The following GMPS variants were observed in gnomAD, a reference collection of about 807,000 sequenced individuals.
The protein encoded by GMPS is GMP synthase [glutamine-hydrolyzing].
A neutral mutation model predicts 77.9 loss-of-function variants in GMPS; 15 were observed. The ratio of observed to expected loss-of-function variants is 0.19; its 90% confidence interval spans 0.13 to 0.30. The LOEUF (loss-of-function observed/expected upper bound fraction) is 0.30, where lower values mean the gene tolerates loss of function less well. GMPS is among the 10% of genes least tolerant of loss of function. The pLI, the probability that GMPS is intolerant of heterozygous loss-of-function variation, is 1.00. For synonymous variants in GMPS, 224 were observed against 275.9 expected (o/e 0.81, Z 1.86); for missense variants, 590 against 838.8 (o/e 0.70, Z 3.66).
rs190511170 is a variant in GMPS at position 155,912,880 on chromosome 3, G to T, written c.887-1539G>T. ...TTCTTTTTGGGACATTGGTCTCTGG[G>T]TTAGCCTAAAACAGGGATTAGTTAA... On this transcript the variant is annotated intron_variant, in intron 7 of 15. Coordinates refer to ENST00000496455, the MANE Select transcript of GMPS (RefSeq NM_003875.3). Among the ~76,000 whole-genome samples the T allele has an allele frequency of 4.3e-3, 660 of 152,274 alleles. 1 individual carries two copies. The highest frequency in any genetic ancestry group is 0.01 in the Middle Eastern group (3 of 294).
chr3:155,910,887 T>C lies in GMPS; in HGVS notation c.720+2T>C. 1 of 1,557,036 alleles carries C rather than the reference T, an allele frequency of 6.4e-7. No homozygotes were observed. The highest frequency in any genetic ancestry group is 8.7e-7 in the Non-Finnish European group (1 of 1,150,114). ...AGAGTAGGCACGTCAAAAGTTTTGG[T>C]AAGCAAATTATTATCTGGAAGTCTA... On this transcript the variant is annotated splice_donor_variant, in intron 6 of 15. Transcript: ENST00000496455. LOFTEE classifies it high-confidence loss of function.
chr3:155,941,026 G>T lies in GMPS; in HGVS notation c.*3334G>T, dbSNP rs1755874932. The T allele has an allele frequency of 5.1e-6, 1 of 196,998 alleles. No individual in the cohort carries two copies. Among genetic ancestry groups the T allele is most frequent in the Non-Finnish European group, 1.1e-5 (1 of 94,964 alleles). 12.2% of individuals were successfully genotyped at this position (196,998 alleles called of 1,614,324 possible). ...CATCATCAATTACATACAGCTAATTGTTGGGAGCTAGAGCTAGAATCCAAG... is the reference window on the plus strand; with the variant it reads ...CATCATCAATTACATACAGCTAATTTTTGGGAGCTAGAGCTAGAATCCAAG... On this transcript the variant is annotated 3_prime_UTR_variant, in exon 16 of 16. Transcript: ENST00000496455.
chr3:155,876,626 A>T (rs1461156266), intron 1 of GMPS, among the ~76,000 whole-genome samples: 4 of 152,214 alleles, frequency 2.6e-5, no homozygotes, highest in Non-Finnish European at 1.5e-5. Context: ...ACAGATGTAC[A>T]TCAGGAGAGT....
upstream of GMPS, chr3:155,870,390 G>A (rs1753869848): frequency 1.2e-5 from 2 of 172,096 alleles, no homozygotes; most frequent in Admixed American, 6.4e-5. Context: ...CCTCCGGGGC[G>A]GGCTCCTCGG....
chr3:155,918,639 A>T lies in GMPS; in HGVS notation c.1213-594A>T, dbSNP rs1009718918. ...CTCCTTTTTTTAAAAAATAATTTTA[A>T]GTTCGAGGATATAAGTGTAGGTTTG... is the stretch of plus-strand genomic sequence containing the variant. On this transcript the variant is annotated intron_variant, in intron 9 of 15. Coordinates refer to ENST00000496455, the MANE Select transcript of GMPS (RefSeq NM_003875.3). Among the ~76,000 whole-genome samples, 4 of 152,084 alleles carry T rather than the reference A, an allele frequency of 2.6e-5. No individual in the cohort carries two copies. In the East Asian group the frequency reaches 7.7e-4, roughly 29 times the overall value.
intron 3 of GMPS, among the ~76,000 whole-genome samples, chr3:155,903,370 A>G (rs893018021): frequency 1.3e-5 from 2 of 152,238 alleles, no homozygotes; most frequent in African/African-American, 2.4e-5. Context: ...TGCTTATCCC[A>G]TCTCTATAGC....
At chr3:155,909,238 A>G (rs1338186881) in intron 5 of GMPS, among the ~76,000 whole-genome samples, 1 of 152,236 alleles carries the variant, frequency 6.6e-6, no homozygotes, top group Non-Finnish European at 1.5e-5. Flanking sequence ...CCTAACATCT[A>G]TTGCCCCATA....
At chr3:155,919,167 T>C (rs1755257533) in intron 9 of GMPS, 66 bp from the exon 10 acceptor site, 1 of 685,524 alleles carries the variant, frequency 1.5e-6, no homozygotes, top group Non-Finnish European at 2.6e-6. Context: ...AATAATTTAT[T>C]ACGCTTTGTT....
At chr3:155,935,140 T>A in intron 14 of GMPS, 94 bp downstream of exon 14, 1 of 821,548 alleles carries the variant, frequency 1.2e-6, no homozygotes, top group East Asian at 2.4e-5. Context: ...GCTTTTTAGA[T>A]GCTTTTGTTT....
intron 7 of GMPS, among the ~76,000 whole-genome samples, chr3:155,911,836 TC>T (rs1755044587): frequency 7.2e-6 from 1 of 138,464 alleles, no homozygotes; most frequent in Admixed American, 7.3e-5. Context: ...CGAAACTCCA[TC>T]TCAAAAAAAA....
intron 5 of GMPS, among the ~76,000 whole-genome samples, chr3:155,909,078 T>C (rs1228751701): frequency 2.6e-5 from 4 of 152,032 alleles, no homozygotes; most frequent in African/African-American, 9.7e-5. Flanking sequence ...CCAAATAAAG[T>C]GTGAAGTACT....
At chr3:155,898,098 A>T in intron 3 of GMPS, 57 bp downstream of exon 3, 1 of 843,172 alleles carries the variant, frequency 1.2e-6, no homozygotes, top group South Asian at 1.3e-5. Flanking sequence ...TTTGTGAGTC[A>T]TACTGTATTA....
chr3:155,935,269 T>C (rs532248292), intron 14 of GMPS, among the ~76,000 whole-genome samples: 1 of 152,298 alleles, frequency 6.6e-6, no homozygotes, highest in East Asian at 1.9e-4. Context: ...CTTCAGCCTC[T>C]GCCTCCTGTT....
chr3:155,874,612 T>C (rs1203746784), intron 1 of GMPS, among the ~76,000 whole-genome samples: 1 of 152,110 alleles, frequency 6.6e-6, no homozygotes, highest in Non-Finnish European at 1.5e-5. Flanking sequence ...AAAGGAATGG[T>C]TTTTAGTGTA....
At chr3:155,896,941 A>G (rs1754620290) in intron 2 of GMPS, among the ~76,000 whole-genome samples, 1 of 152,018 alleles carries the variant, frequency 6.6e-6, no homozygotes, top group Admixed American at 6.6e-5. Context: ...TTTATCTGCA[A>G]ACTCAAAGTG....
At chr3:155,911,084 C>A in intron 6 of GMPS, 30 bp from the exon 7 acceptor site, 1 of 1,541,370 alleles carries the variant, frequency 6.5e-7, no homozygotes, top group Non-Finnish European at 8.8e-7. Flanking sequence ...GCTTGTTTTG[C>A]TCATTTTGAT....
At position 155,916,172 on chromosome 3, in the gene GMPS, A is replaced by G. The variant is rs763431674; in HGVS notation, c.1192A>G (p.Ile398Val). ...AACCCATCACAATGACACAGAGCTC[A>G]TCAGAAAGTTGAGAGAGGAGGTAAA... The part of the protein sequence containing the change: ...IKTHHNDTEL[I>V]RKLREEGKVI... Residue 398 changes from isoleucine (I) to valine (V), a missense_variant, in exon 9 of 16, where the codon ATC (isoleucine) becomes GTC (valine). Physicochemically the swap from Ile to Val is conservative, Grantham distance 29 (BLOSUM62 3). Around this residue, in one of 6 missense-constraint regions of GMPS, gnomAD observed 64 missense variants for 114.5 expected, o/e 0.56. Transcript: ENST00000496455. 1 of 1,596,312 alleles carries G rather than the reference A, an allele frequency of 6.3e-7. No individual in the cohort carries two copies. The highest frequency in any genetic ancestry group is 8.6e-7 in the Non-Finnish European group (1 of 1,166,498).
At position 155,870,868 on chromosome 3, in the gene GMPS, C is replaced by G. The variant is rs1387240055; in HGVS notation, c.-3C>G. ...CACCGCCGCGGCTCCGGCCCTGGCCCCGATGGCTCTGTGCAACGGAGACTC... is the reference window on the plus strand; with the variant it reads ...CACCGCCGCGGCTCCGGCCCTGGCCGCGATGGCTCTGTGCAACGGAGACTC... On this transcript the variant is annotated 5_prime_UTR_variant, in exon 1 of 16. Transcript: ENST00000496455. 4.0e-6 allele frequency: 6 copies of G among 1,507,872 alleles called. No individual in the cohort carries two copies. Among genetic ancestry groups the G allele is most frequent in the Admixed American group, 2.1e-5 (1 of 47,476 alleles). The allele number at this position is 1,507,872 out of a possible 1,614,324, so 93.4% of individuals were successfully genotyped here.
At chr3:155,870,559 G>A, upstream of GMPS, 1 of 309,018 alleles carries the variant, frequency 3.2e-6, no homozygotes, top group Non-Finnish European at 6.0e-6. Context: ...TTTGGCGGCG[G>A]CTGCGGAGGG....
Sources: gnomAD v4.1 joint callset for allele counts (sites outside exome capture counted in the v4.1 genomes callset) on GRCh38, gnomAD v4.1.1 for gene constraint, gnomAD v4.1.1 regional missense constraint, MANE v1.5 for transcripts, NCBI Gene and HGNC (gene_info 2026-07-23, HGNC 2026-07-21) for gene names.